Variants in DDX59 observed in about 807,000 individuals in gnomAD.
DDX59 encodes the protein DEAD-box helicase 59.
In DDX59, 30 loss-of-function variants were observed where a neutral mutation model predicts 51.9. That is an observed-to-expected ratio of 0.58 (90% CI 0.43 to 0.78). The LOEUF (loss-of-function observed/expected upper bound fraction) is 0.78. Ranked by LOEUF, DDX59 falls within the 30% of genes least tolerant of loss-of-function variation. The pLI, the probability that DDX59 is intolerant of heterozygous loss-of-function variation, is 0.00. For synonymous variants in DDX59, 255 were observed against 253.3 expected, an observed-to-expected ratio of 1.01 and a Z score of -0.06; for missense variants, 672 against 730.8, an observed-to-expected ratio of 0.92 and a Z score of 0.93.
In DDX59 at chr1:200,666,426, T is replaced by C; in HGVS notation, c.315A>G (p.Glu105=). 1 of 1,614,136 alleles carries C rather than the reference T, an allele frequency of 6.2e-7. No homozygotes were observed. Among genetic ancestry groups the C allele is most frequent in the Non-Finnish European group, 8.5e-7 (1 of 1,180,028 alleles). Reference sequence around the variant, plus strand: ...AACGACCACAGACAACACAGATGGGTTCCCCTGGTTCTGCCCAGCGCTGTG... The same window carrying C: ...AACGACCACAGACAACACAGATGGGCTCCCCTGGTTCTGCCCAGCGCTGTG... The part of the protein sequence containing the change: ...SKTQRWAEPG[E]PICVVCGRYG... Residue 105 remains glutamate, a synonymous_variant, in exon 2 of 8, where the codon GAA becomes GAG. Transcript: ENST00000331314.
At chr1:200,668,254 G>GC (rs1250681545) in intron 1 of DDX59, among the ~76,000 whole-genome samples, 2 of 151,286 alleles carry the variant, frequency 1.3e-5, no homozygotes, top group East Asian at 3.9e-4. Flanking sequence ...CTTGCAGTGA[G>GC]CCCAGATCGC....
At position 200,666,512 on chromosome 1, in the gene DDX59, G is replaced by A. The variant is rs1662761837; in HGVS notation, c.229C>T (p.Pro77Ser). 2.5e-6 allele frequency: 4 copies of A among 1,614,040 alleles called. No homozygotes were observed. Among genetic ancestry groups the A allele is most frequent in the African/African-American group, 1.3e-5 (1 of 74,912 alleles). ...TGGCTGTCCTTCGCACCCTGCTCGGGACTTACTGAATGAACCTCTGCCAAC... is the reference window on the plus strand; with the variant it reads ...TGGCTGTCCTTCGCACCCTGCTCGGAACTTACTGAATGAACCTCTGCCAAC... ...GQLAEVHSVS[P>S]EQGAKDSHPS... Residue 77 changes from proline to serine, a missense_variant, in exon 2 of 8, where the codon CCC becomes TCC. Physicochemically the swap from Pro to Ser is moderately conservative, Grantham distance 74. Coordinates refer to ENST00000331314, the MANE Select transcript of DDX59 (RefSeq NM_001031725.6).
intron 4 of DDX59, 68 bp from the exon 5 acceptor site, chr1:200,650,744 C>T: frequency 7.4e-7 from 1 of 1,352,456 alleles, no homozygotes; most frequent in Non-Finnish European, 9.9e-7. Context: ...CCAAAAAAGA[C>T]TGATATAATT....
At chr1:200,658,987 T>G (rs1390960602) in intron 4 of DDX59, 40 bp downstream of exon 4, 1 of 1,475,234 alleles carries the variant, frequency 6.8e-7, no homozygotes, top group Non-Finnish European at 9.4e-7. Flanking sequence ...CCATAAATTG[T>G]GTAAAATCAT....
At chr1:200,646,836 T>C (rs1188872641) in intron 7 of DDX59, among the ~76,000 whole-genome samples, 1 of 152,194 alleles carries the variant, frequency 6.6e-6, no homozygotes, top group African/African-American at 2.4e-5. Context: ...GGAGCCAAAA[T>C]GTAGAAACAA....
At position 200,649,079 on chromosome 1, in the gene DDX59, A is replaced by G. The variant is rs377394294; in HGVS notation, c.1462T>C (p.Leu488=). 5.8e-6 allele frequency: 9 copies of G among 1,560,806 alleles called. No individual in the cohort carries two copies. In the Admixed American group the frequency reaches 1.3e-4, roughly 23 times the overall value. Residue 488 remains leucine (L), a synonymous_variant, in exon 6 of 8, where the codon TTG becomes CTG. Transcript: ENST00000331314. ...TAGAATATTGGGTGTCAAACCTTCAATATGTTTTTCCTTTCTATTTGCGAC... is the reference window on the plus strand; with the variant it reads ...TAGAATATTGGGTGTCAAACCTTCAGTATGTTTTTCCTTTCTATTTGCGAC... ...EKSQIERKNI[L]KGLLEGDYEV...
chr1:200,664,752 C>T (rs925264470), intron 2 of DDX59, among the ~76,000 whole-genome samples: 2 of 151,906 alleles, frequency 1.3e-5, no homozygotes, highest in East Asian at 1.9e-4. Flanking sequence ...CTCGGCTCAC[C>T]GCAACCTCCG....
At chr1:200,648,395 T>C (rs1196826679) in intron 7 of DDX59, 44 bp downstream of exon 7, 4 of 1,607,244 alleles carry the variant, frequency 2.5e-6, no homozygotes, top group African/African-American at 1.3e-5. Flanking sequence ...CCTTTCCCAA[T>C]AAAACTCGTG....
intron 3 of DDX59, among the ~76,000 whole-genome samples, chr1:200,662,101 C>G (rs1002831841): frequency 1.3e-5 from 2 of 152,186 alleles, no homozygotes; most frequent in Non-Finnish European, 2.9e-5. Flanking sequence ...AGCCACTATG[C>G]TTCCTGTACA....
At position 200,666,039 on chromosome 1, in the gene DDX59, A is replaced by C. The variant is rs771984392; in HGVS notation, c.702T>G (p.Ile234Met). 3 of 1,614,188 alleles carry C rather than the reference A, an allele frequency of 1.9e-6. No individual in the cohort carries two copies. The Admixed American group carries it at 5.0e-5, about 27-fold the overall frequency. The change falls in exon 2 of 8, where the codon ATT (isoleucine) becomes ATG (methionine). Residue 234 changes from isoleucine (I) to methionine (M), a missense_variant. Ile to Met is a conservative substitution (Grantham distance 10). Coordinates refer to ENST00000331314, the MANE Select transcript of DDX59 (RefSeq NM_001031725.6). The part of the protein sequence containing the change: ...EVPTPIQMQM[I>M]PVGLLGRDIL... ...TGTCTCTTCCCAGAAGTCCCACAGG[A>C]ATCATCTGCATTTGAATGGGAGTTG...
At chr1:200,642,822 T>TA (rs563025961), downstream of DDX59, among the ~76,000 whole-genome samples, 14 of 152,206 alleles carry the variant, frequency 9.2e-5, no homozygotes, top group East Asian at 2.7e-3. Context: ...CACCTGGCCT[T>TA]AAGAAAGTGT....
intron 7 of DDX59, among the ~76,000 whole-genome samples, chr1:200,647,551 T>C (rs2102841764): frequency 6.6e-6 from 1 of 151,492 alleles, no homozygotes; most frequent in South Asian, 2.1e-4. Flanking sequence ...ATTTTTTTAA[T>C]TAACATTTTT....
At chr1:200,661,286 G>C (rs969840980) in intron 3 of DDX59, among the ~76,000 whole-genome samples, 4 of 152,092 alleles carry the variant, frequency 2.6e-5, no homozygotes, top group Non-Finnish European at 4.4e-5. Context: ...AGTCCATACA[G>C]ATATAAATAA....
intron 7 of DDX59, among the ~76,000 whole-genome samples, chr1:200,645,427 G>A (rs11584055): frequency 0.12 from 17,954 of 151,950 alleles, 1,555 homozygotes; most frequent in East Asian, 0.41. Context: ...ACAGGCACCC[G>A]CCACCATATC....
At chr1:200,648,030 T>G (rs114693897) in intron 7 of DDX59, among the ~76,000 whole-genome samples, 464 of 27,296 alleles carry the variant, frequency 0.017, 1 homozygote, top group African/African-American at 0.034. Context: ...TGCTTTTTTT[T>G]GGGGGGGGGG....
Position 200,666,145 on chromosome 1 carries a change from G to T in DDX59, c.596C>A (p.Thr199Asn). The T allele has an allele frequency of 6.2e-7, 1 of 1,614,190 alleles. No homozygotes were observed. The highest frequency in any genetic ancestry group is 8.5e-7 in the Non-Finnish European group (1 of 1,180,040). The change falls in exon 2 of 8, where the codon ACC becomes AAC. Residue 199 changes from threonine to asparagine, a missense_variant. By Grantham distance (65) the Thr-to-Asn change is moderately conservative. Transcript: ENST00000331314. ...LGILVQGQEV[T>N]RPIIDFEHCS... is the part of the protein sequence containing the mutation. Reference sequence around the variant, plus strand: ...ATGTTCAAAGTCAATAATGGGCCTGGTGACTTCTTGCCCTTGAACTAAAAT... The same window carrying T: ...ATGTTCAAAGTCAATAATGGGCCTGTTGACTTCTTGCCCTTGAACTAAAAT...
intron 7 of DDX59, among the ~76,000 whole-genome samples, 169 bp downstream of exon 7, chr1:200,648,270 C>A (rs1193252801): frequency 6.6e-6 from 1 of 152,068 alleles, no homozygotes; most frequent in Non-Finnish European, 1.5e-5. Context: ...TTCATGTGAT[C>A]CATCCATTTC....
At chr1:200,668,612 AC>A (rs1662944355) in intron 1 of DDX59, among the ~76,000 whole-genome samples, 1 of 152,200 alleles carries the variant, frequency 6.6e-6, no homozygotes, top group Admixed American at 6.5e-5. Flanking sequence ...TCCTTGTCGT[AC>A]CTTAAAACTC....
At chr1:200,658,289 C>G (rs986027537) in intron 4 of DDX59, among the ~76,000 whole-genome samples, 1 of 152,124 alleles carries the variant, frequency 6.6e-6, no homozygotes, top group Non-Finnish European at 1.5e-5. Flanking sequence ...AGAAACAACA[C>G]TTTTACTTCA....
Sources: allele counts gnomAD v4.1 joint callset (sites outside exome capture counted in the v4.1 genomes callset), GRCh38; gene constraint gnomAD v4.1.1; transcripts MANE v1.5; gene names NCBI Gene and HGNC (gene_info 2026-07-23, HGNC 2026-07-21).